TAB2: variants seen among roughly 807,000 people sequenced by gnomAD.
TAB2 encodes TGF-beta-activated kinase 1 and MAP3K7-binding protein 2.
In TAB2, 3 loss-of-function variants were observed where a neutral mutation model predicts 65.0. That is an observed-to-expected ratio of 0.05 (90% CI 0.02 to 0.12). The LOEUF (loss-of-function observed/expected upper bound fraction) is 0.12. Ranked by LOEUF, TAB2 falls within the 10% of genes least tolerant of loss-of-function variation. The pLI, the probability that TAB2 is intolerant of heterozygous loss-of-function variation, is 1.00. For synonymous variants in TAB2, 298 were observed against 285.1 expected (o/e 1.05, Z -0.46); for missense variants, 623 against 840.3 (o/e 0.74, Z 3.20).
intron 1 of TAB2, among the ~76,000 whole-genome samples, chr6:149,254,086 G>GAAGT (rs1222740241): frequency 8.8e-6 from 1 of 113,928 alleles, no homozygotes; most frequent in African/African-American, 3.0e-5. Context: ...AGGAAGGAAG[G>GAAGT]AAGGAAGGAA....
intron 6 of TAB2, among the ~76,000 whole-genome samples, chr6:149,404,664 A>G (rs1390470167): frequency 6.6e-6 from 1 of 152,244 alleles, no homozygotes; most frequent in African/African-American, 2.4e-5. Flanking sequence ...CAAGCGTGCC[A>G]AGAACACAAT....
At chr6:149,372,670 AC>A (rs942200224) in intron 2 of TAB2, among the ~76,000 whole-genome samples, 1 of 152,176 alleles carries the variant, frequency 6.6e-6, no homozygotes, top group Non-Finnish European at 1.5e-5. Flanking sequence ...GAAACAGACC[AC>A]ACTTTTTAAA....
Position 149,317,814 on chromosome 6 carries a change from TGGC to T in TAB2, c.-282_-280del, listed in dbSNP as rs1415447190. 2.7e-5 allele frequency: 4 copies of T among 148,446 alleles called. No individual in the cohort carries two copies. The highest frequency in any genetic ancestry group is 2.2e-4 in the East Asian group (1 of 4,608). 9.2% of individuals were successfully genotyped at this position (148,446 alleles called of 1,614,324 possible). A position where few individuals can be genotyped will look rare whatever the true frequency, so the allele number is the denominator to read the frequency against. Reference sequence around the variant, plus strand: ...GGCGGCGGCGGCGGCCGGAGGGAGTTGGCGGCGGCGGGCGAGCGGAGGGGGCTG... The same window carrying T: ...GGCGGCGGCGGCGGCCGGAGGGAGTTGGCGGCGGGCGAGCGGAGGGGGCTG... On this transcript the variant is annotated 5_prime_UTR_variant, in exon 1 of 7. Coordinates refer to ENST00000637181, the MANE Select transcript of TAB2 (RefSeq NM_001292034.3). The surrounding 1 kb of genome is among the most constrained non-coding windows in gnomAD (Gnocchi z 4.7).
chr6:149,375,970 C>G (rs9498337), intron 2 of TAB2, among the ~76,000 whole-genome samples: 35,848 of 151,872 alleles, frequency 0.24, 4,419 homozygotes, highest in Non-Finnish European at 0.26. Context: ...CATCAAGATG[C>G]CTTTTTAGTC....
chr6:149,241,841 T>C (rs1777603364), intron 1 of TAB2, among the ~76,000 whole-genome samples: 1 of 152,112 alleles, frequency 6.6e-6, no homozygotes. Flanking sequence ...GAGTAGAAAG[T>C]AGAAAGAATT....
At chr6:149,326,553 T>G (rs1583091270) in intron 1 of TAB2, among the ~76,000 whole-genome samples, 1 of 2,782 alleles carries the variant, frequency 3.6e-4, no homozygotes, top group Non-Finnish European at 1.1e-3. Flanking sequence ...TTTGTTATTA[T>G]TTTTTTTTTT....
chr6:149,282,508 C>T (rs891016265), intron 1 of TAB2, among the ~76,000 whole-genome samples: 3 of 152,052 alleles, frequency 2.0e-5, no homozygotes, highest in East Asian at 1.9e-4. Flanking sequence ...TTTTGAAGTA[C>T]ATATGGAACA....
chr6:149,349,528 G>C (rs1234024607), intron 1 of TAB2, among the ~76,000 whole-genome samples: 2 of 152,062 alleles, frequency 1.3e-5, no homozygotes, highest in East Asian at 3.9e-4. Context: ...GCTGGTAAGT[G>C]TTTCAGGTGT....
chr6:149,258,298 C>T (rs1778082303), intron 1 of TAB2, among the ~76,000 whole-genome samples: 1 of 152,064 alleles, frequency 6.6e-6, no homozygotes, highest in South Asian at 2.1e-4. Context: ...GGTGTAAATA[C>T]TCCCACCATG....
chr6:149,342,848 A>G (rs962692740), intron 1 of TAB2: 7 of 152,230 alleles, frequency 4.6e-5, no homozygotes, highest in Non-Finnish European at 1.0e-4. Flanking sequence ...GCTAAAGTCC[A>G]TGGCACCAGT....
chr6:149,299,261 T>G (rs915606634), intron 1 of TAB2, among the ~76,000 whole-genome samples: 1 of 152,224 alleles, frequency 6.6e-6, no homozygotes, highest in Non-Finnish European at 1.5e-5. Context: ...CCACTGGTCT[T>G]ATCAGCAGCC....
At chr6:149,245,915 A>G (rs1187471322) in intron 1 of TAB2, among the ~76,000 whole-genome samples, 2 of 151,906 alleles carry the variant, frequency 1.3e-5, no homozygotes. Flanking sequence ...TAAAAATTAT[A>G]CAGTCGTTAC....
chr6:149,248,002 A>C (rs1425850878), intron 1 of TAB2: 1 of 152,210 alleles, frequency 6.6e-6, no homozygotes, highest in Non-Finnish European at 1.5e-5. Flanking sequence ...GGTGCAGCAA[A>C]CCACTATGGC....
At chr6:149,384,539 A>C (rs1436045516) in intron 3 of TAB2, among the ~76,000 whole-genome samples, 5 of 152,200 alleles carry the variant, frequency 3.3e-5, no homozygotes, top group African/African-American at 9.7e-5. Context: ...GGTTGGAGAG[A>C]AATTTTCAGT....
intron 1 of TAB2, among the ~76,000 whole-genome samples, chr6:149,256,087 C>T (rs942523701): frequency 7.9e-5 from 12 of 152,084 alleles, no homozygotes; most frequent in African/African-American, 2.9e-4. Context: ...AACCCACATA[C>T]TGAGACACTT....
chr6:149,347,021 A>G (rs1780328438), intron 1 of TAB2: 1 of 152,206 alleles, frequency 6.6e-6, no homozygotes, highest in Non-Finnish European at 1.5e-5. Flanking sequence ...TTATCCAAAA[A>G]TTAGAGTGAA....
intron 3 of TAB2, among the ~76,000 whole-genome samples, chr6:149,392,967 CT>C (rs1231663098): frequency 1.3e-5 from 2 of 152,028 alleles, no homozygotes; most frequent in African/African-American, 4.8e-5. Context: ...AGAGTTTCGA[CT>C]TTAGCTGAAT....
rs143161965 is a variant in TAB2 at position 149,358,927 on chromosome 6, T to G, written c.-89-10982T>G. Among the ~76,000 whole-genome samples the G allele has an allele frequency of 3.0e-3, 463 of 152,258 alleles. 2 individuals carry two copies. The highest frequency in any genetic ancestry group is 0.011 in the African/African-American group (438 of 41,552). On this transcript the variant is annotated intron_variant, in intron 1 of 6. Transcript: ENST00000637181. ...AAGTACCTTCTGCTGTTTAACCTAT[T>G]CATTGATTGTTACATTTTATGATGA...
At chr6:149,383,226 A>AG (rs1359539872) in intron 3 of TAB2, among the ~76,000 whole-genome samples, 3 of 152,212 alleles carry the variant, frequency 2.0e-5, no homozygotes, top group African/African-American at 7.2e-5. Context: ...ATAGAAGTAG[A>AG]GAGCACTTTC....
Sources: allele counts gnomAD v4.1 joint callset (sites outside exome capture counted in the v4.1 genomes callset), GRCh38; gene constraint gnomAD v4.1.1; non-coding constraint Gnocchi (gnomAD v3.1); transcripts MANE v1.5; gene names NCBI Gene and HGNC (gene_info 2026-07-23, HGNC 2026-07-21).